LYRM4: variants seen among roughly 807,000 people sequenced by gnomAD.
The protein encoded by LYRM4 is LYR motif containing 4.
Under a neutral mutation model 11.7 loss-of-function variants are expected in LYRM4, and 9 were observed. The observed-to-expected ratio is 0.77, with a 90% CI of 0.46 to 1.34. The LOEUF (loss-of-function observed/expected upper bound fraction) is 1.34. Ranked by LOEUF, LYRM4 falls within the 40% of genes most tolerant of loss-of-function variation. The pLI is 0.00. For synonymous variants in LYRM4, 42 were observed against 40.4 expected (o/e 1.04, Z -0.15); for missense variants, 133 against 112.5 (o/e 1.18, Z -0.82).
chr6:5,050,767 A>G, the LYRM4 span, among the ~76,000 whole-genome samples: 2 of 152,198 alleles, frequency 1.3e-5, no homozygotes, highest in African/African-American at 2.4e-5. Flanking sequence ...TAAGATTCCA[A>G]TGTCCAGTTT....
downstream of LYRM4, among the ~76,000 whole-genome samples, chr6:5,101,879 C>CCTGG (rs1263622581): frequency 2.0e-5 from 3 of 151,956 alleles, no homozygotes; most frequent in Non-Finnish European, 4.4e-5. Context: ...CACTTGACCT[C>CCTGG]CTGGGCTCAA....
the LYRM4 span, among the ~76,000 whole-genome samples, chr6:5,073,832 G>A: frequency 4.8e-3 from 733 of 152,234 alleles, 6 homozygotes; most frequent in Middle Eastern, 0.027. Flanking sequence ...CAGTAGGCAG[G>A]GGGCTCTAGG....
At chr6:5,101,185 T>C (rs934471189), downstream of LYRM4, among the ~76,000 whole-genome samples, 2 of 152,232 alleles carry the variant, frequency 1.3e-5, no homozygotes, top group African/African-American at 4.8e-5. Context: ...TTCCTCCTTC[T>C]GAATATTACT....
chr6:5,121,696 C>G (rs567882639), intron 2 of LYRM4, among the ~76,000 whole-genome samples: 1 of 152,352 alleles, frequency 6.6e-6, no homozygotes, highest in South Asian at 2.1e-4. Context: ...ATGGCGACAA[C>G]AGAGCCCAGG....
At chr6:5,032,490 G>A in the LYRM4 span, 2 of 152,112 alleles carry the variant, frequency 1.3e-5, no homozygotes, top group Non-Finnish European at 2.9e-5. Context: ...TTTGTTAAAT[G>A]TACAATAAAA....
chr6:5,211,703 G>C (rs1030546554), intron 2 of LYRM4, among the ~76,000 whole-genome samples: 3 of 152,220 alleles, frequency 2.0e-5, no homozygotes, highest in Non-Finnish European at 4.4e-5. Flanking sequence ...AAGCTGATGG[G>C]AAGATGGGCA....
chr6:5,106,564 C>T (rs1762670749), downstream of LYRM4: 1 of 152,276 alleles, frequency 6.6e-6, no homozygotes. Flanking sequence ...CGGAGTATAC[C>T]TAAAGCAATC....
At chr6:5,217,032 T>C (rs986522842) in intron 1 of LYRM4, among the ~76,000 whole-genome samples, 1 of 152,196 alleles carries the variant, frequency 6.6e-6, no homozygotes, top group Admixed American at 6.5e-5. Context: ...CTTCATTCCA[T>C]TTACATGGAT....
Position 5,109,006 on chromosome 6 carries a change from C to A in LYRM4, c.*417G>T, listed in dbSNP as rs1029268704. 3 of 1,008,168 alleles carry A rather than the reference C, an allele frequency of 3.0e-6. No individual in the cohort carries two copies. Among genetic ancestry groups the A allele is most frequent in the Non-Finnish European group, 2.4e-6 (2 of 842,448 alleles). 62.5% of individuals were successfully genotyped at this position (1,008,168 alleles called of 1,614,324 possible). On this transcript the variant is annotated 3_prime_UTR_variant, in exon 3 of 3. Coordinates refer to ENST00000330636, the MANE Select transcript of LYRM4 (RefSeq NM_020408.6). ...CCCTGAGGGCCCCCAACAGCCCTCT[C>A]CAGGCCTTGTATCAGTAGGAAATGA... is the stretch of plus-strand genomic sequence containing the variant.
intron 2 of LYRM4, among the ~76,000 whole-genome samples, chr6:5,214,541 G>A (rs1762159782): frequency 6.6e-6 from 1 of 152,196 alleles, no homozygotes; most frequent in Admixed American, 6.5e-5. Context: ...TGTGGTGGTG[G>A]TGTGTGGAGA....
chr6:5,248,364 G>A (rs1391047534), intron 1 of LYRM4, among the ~76,000 whole-genome samples: 4 of 152,310 alleles, frequency 2.6e-5, no homozygotes, highest in Admixed American at 6.5e-5. Flanking sequence ...TATGTCTTCC[G>A]CGTCTTTTCT....
the LYRM4 span, among the ~76,000 whole-genome samples, chr6:5,083,596 A>G: frequency 6.6e-6 from 1 of 152,168 alleles, no homozygotes; most frequent in Admixed American, 6.5e-5. Flanking sequence ...TGGCGATGAG[A>G]AATCTTTCTG....
chr6:5,170,532 G>C (rs1759367677), intron 2 of LYRM4, among the ~76,000 whole-genome samples: 1 of 151,956 alleles, frequency 6.6e-6, no homozygotes, highest in Non-Finnish European at 1.5e-5. Context: ...ACGGAGTCTC[G>C]CTCTGTTGCC....
At chr6:5,072,456 C>G in the LYRM4 span, among the ~76,000 whole-genome samples, 1 of 152,078 alleles carries the variant, frequency 6.6e-6, no homozygotes, top group Non-Finnish European at 1.5e-5. Context: ...GTGTAAAAGC[C>G]TACATTTTTC....
the LYRM4 span, among the ~76,000 whole-genome samples, chr6:5,040,945 G>A: frequency 2.0e-5 from 3 of 152,116 alleles, no homozygotes; most frequent in East Asian, 5.8e-4. Flanking sequence ...CATGCATAAA[G>A]AGCCCCATAT....
At position 5,260,916 on chromosome 6, in the gene LYRM4, C is replaced by T. The variant is rs1765056151; in HGVS notation, c.-183G>A. The T allele has an allele frequency of 7.3e-7, 1 of 1,370,550 alleles. No individual in the cohort carries two copies. The allele number at this position is 1,370,550 out of a possible 1,614,324, so 84.9% of individuals were successfully genotyped here. A position where few individuals can be genotyped will look rare whatever the true frequency, so the allele number is the denominator to read the frequency against. ...CGGATCGCGGACGGCGCCAGGCGTC[C>T]CGCGCCGCTTCGGGGGCGGGCGCAG... On this transcript the variant is annotated 5_prime_UTR_variant, in exon 1 of 3. Transcript: ENST00000330636.
chr6:5,038,888 GAGA>G, the LYRM4 span, among the ~76,000 whole-genome samples: 1 of 69,618 alleles, frequency 1.4e-5, no homozygotes, highest in African/African-American at 5.8e-5. Context: ...TGGAGGGAGA[GAGA>G]GGGAGAGGGA....
intron 1 of LYRM4, among the ~76,000 whole-genome samples, chr6:5,226,066 T>G (rs34519637): frequency 0.013 from 2,013 of 152,346 alleles, 47 homozygotes; most frequent in African/African-American, 0.044. Context: ...TGTGCAGAGT[T>G]ACAATATTCA....
At chr6:5,039,512 A>G in the LYRM4 span, among the ~76,000 whole-genome samples, 15 of 152,318 alleles carry the variant, frequency 9.8e-5, no homozygotes, top group East Asian at 3.9e-4. Context: ...ATTACAATCT[A>G]AAGTAACAAC....
Sources: gnomAD v4.1 joint callset for allele counts (sites outside exome capture counted in the v4.1 genomes callset) on GRCh38, gnomAD v4.1.1 for gene constraint, MANE v1.5 for transcripts, NCBI Gene and HGNC (gene_info 2026-07-23, HGNC 2026-07-21) for gene names.